Variants in LTBP1 observed in about 807,000 individuals in gnomAD.
The protein encoded by LTBP1 is latent transforming growth factor beta binding protein 1, also known as latent-transforming growth factor beta-binding protein 1.
In LTBP1, 129 loss-of-function variants were observed where a neutral mutation model predicts 207.6. The observed-to-expected ratio is 0.62, with a 90% CI of 0.54 to 0.72. The LOEUF is 0.72. Ranked by LOEUF, LTBP1 falls within the 30% of genes least tolerant of loss-of-function variation. The probability of loss-of-function intolerance (pLI) is 0.00; values close to 1 mark genes in which losing one functional copy is unlikely to be tolerated. For missense variants in LTBP1, 2,281 were observed against 2,217.2 expected (o/e 1.03, Z -0.58); for synonymous variants, 963 against 833.7 (o/e 1.16, Z -2.67).
At chr2:33,098,477 A>T (rs1204843895) in intron 3 of LTBP1, among the ~76,000 whole-genome samples, 1 of 152,158 alleles carries the variant, frequency 6.6e-6, no homozygotes, top group Non-Finnish European at 1.5e-5. Flanking sequence ...TCTGTTGCCC[A>T]GGCTAAGTGC....
chr2:33,123,043 C>A (rs958091250), intron 4 of LTBP1, among the ~76,000 whole-genome samples: 1 of 152,032 alleles, frequency 6.6e-6, no homozygotes, highest in Non-Finnish European at 1.5e-5. Flanking sequence ...CTCAACTTTT[C>A]CTCACTCTCT....
Position 33,010,721 on chromosome 2 carries a change from CT to C in LTBP1, c.566-10171del, listed in dbSNP as rs1256189915. Among the ~76,000 whole-genome samples, 711 of 134,766 alleles carry C rather than the reference CT, an allele frequency of 5.3e-3. 1 individual carries two copies. The highest frequency in any genetic ancestry group is 0.012 in the African/African-American group (429 of 36,304). The allele number at this position is 134,766 out of a possible 152,430, so 88.4% of individuals were successfully genotyped here. ...TGTATCACATTCTAGGATTTTAATC[CT>C]TTTTTTTTTTTTTTTTGAGATGGAG... is the stretch of plus-strand genomic sequence containing the variant. On this transcript the variant is annotated intron_variant, in intron 2 of 33. Coordinates refer to ENST00000404816, the MANE Select transcript of LTBP1 (RefSeq NM_206943.4).
chr2:33,206,003 T>C (rs1189430099), intron 7 of LTBP1, among the ~76,000 whole-genome samples: 1 of 151,732 alleles, frequency 6.6e-6, no homozygotes, highest in Non-Finnish European at 1.5e-5. Context: ...TCCAGAACTG[T>C]GAGGAAATAA....
chr2:32,967,450 T>G (rs2148520083), intron 2 of LTBP1, among the ~76,000 whole-genome samples: 1 of 152,314 alleles, frequency 6.6e-6, no homozygotes, highest in African/African-American at 2.4e-5. Flanking sequence ...AATATATGCA[T>G]TCATTGTTAT....
rs773870364 is a variant in LTBP1 at position 33,021,104 on chromosome 2, C to G, written c.761C>G (p.Ser254Cys). The change falls in exon 3 of 34, where the codon TCT becomes TGT. Residue 254 changes from serine to cysteine, a missense_variant. By Grantham distance (112) the Ser-to-Cys change is moderately radical (BLOSUM62 -1). Coordinates refer to ENST00000404816, the MANE Select transcript of LTBP1 (RefSeq NM_206943.4). ...GAGCAAGCAGCAAAGCATACTTCAT[C>G]TAAGAAGGCAGACACTCTACCAAGA... ...PPEQAAKHTS[S>C]KKADTLPRVS... 3 of 1,614,014 alleles carry G rather than the reference C, an allele frequency of 1.9e-6. No individual in the cohort carries two copies. The highest frequency in any genetic ancestry group is 1.1e-5 in the South Asian group (1 of 91,068).
chr2:33,064,898 C>CTT (rs978523256), intron 3 of LTBP1, among the ~76,000 whole-genome samples: 1 of 152,140 alleles, frequency 6.6e-6, no homozygotes, highest in African/African-American at 2.4e-5. Context: ...TGCTTCTCCC[C>CTT]TTTTGCTATA....
chr2:32,977,554 G>A (rs768798964), intron 2 of LTBP1, among the ~76,000 whole-genome samples: 1 of 152,212 alleles, frequency 6.6e-6, no homozygotes, highest in African/African-American at 2.4e-5. Context: ...GGCTTGTATA[G>A]GTGTCCTTGG....
chr2:33,112,334 G>T (rs2080459585), intron 4 of LTBP1, among the ~76,000 whole-genome samples: 1 of 152,160 alleles, frequency 6.6e-6, no homozygotes, highest in East Asian at 1.9e-4. Flanking sequence ...CTCAAATCTT[G>T]GTTGAACTGT....
intron 5 of LTBP1, among the ~76,000 whole-genome samples, chr2:33,183,995 C>G (rs1379242551): frequency 6.6e-6 from 1 of 152,170 alleles, no homozygotes; most frequent in Non-Finnish European, 1.5e-5. Flanking sequence ...ACTTTCTCCC[C>G]TCTTCCTTGG....
intron 10 of LTBP1, among the ~76,000 whole-genome samples, chr2:33,244,642 A>T (rs945523821): frequency 1.3e-5 from 2 of 152,190 alleles, no homozygotes; most frequent in African/African-American, 2.4e-5. Flanking sequence ...TAAGCACTGT[A>T]AGATTTTTTT....
chr2:33,082,860 C>T (rs1011415040), intron 3 of LTBP1, among the ~76,000 whole-genome samples: 7 of 152,046 alleles, frequency 4.6e-5, no homozygotes, highest in Non-Finnish European at 7.4e-5. Context: ...TTGCCTTTGC[C>T]GGTCACTGGG....
intron 24 of LTBP1, among the ~76,000 whole-genome samples, chr2:33,322,412 G>T (rs1473209045): frequency 6.6e-6 from 1 of 152,140 alleles, no homozygotes; most frequent in Non-Finnish European, 1.5e-5. Context: ...TTTTGTACTT[G>T]AGACCTAAAC....
intron 3 of LTBP1, among the ~76,000 whole-genome samples, chr2:33,052,842 G>A (rs1004531895): frequency 6.7e-6 from 1 of 150,296 alleles, no homozygotes; most frequent in African/African-American, 2.4e-5. Flanking sequence ...GCTCTTTCAG[G>A]TTGACTCCCG....
chr2:33,131,649 G>C (rs1451247209), intron 4 of LTBP1, among the ~76,000 whole-genome samples: 1 of 152,190 alleles, frequency 6.6e-6, no homozygotes, highest in African/African-American at 2.4e-5. Flanking sequence ...GACCCGCTTA[G>C]AATACAAGTG....
In LTBP1 at chr2:33,134,462, C is replaced by T. The variant is rs1165426224; in HGVS notation, c.1034-331C>T. The stretch of plus-strand genomic sequence containing the variant: ...TTGGCTCTTTAATCTGTCGTGCCCT[C>T]GGTATTGCTCTTTGTCTGCCCGTGA... On this transcript the variant is annotated intron_variant, in intron 4 of 33. Transcript: ENST00000404816. The surrounding 1 kb of genome is among the most constrained non-coding windows in gnomAD (Gnocchi z 4.4). The T allele has an allele frequency of 9.1e-6, 9 of 986,470 alleles. No homozygotes were observed. Among genetic ancestry groups the T allele is most frequent in the Admixed American group, 2.2e-5 (1 of 45,756 alleles). The allele number at this position is 986,470 out of a possible 1,614,324, so 61.1% of individuals were successfully genotyped here. A position where few individuals can be genotyped will look rare whatever the true frequency, so the allele number is the denominator to read the frequency against.
intron 9 of LTBP1, among the ~76,000 whole-genome samples, chr2:33,237,787 A>G (rs941024425): frequency 6.6e-6 from 1 of 152,232 alleles, no homozygotes; most frequent in African/African-American, 2.4e-5. Context: ...AGAAAGGCCT[A>G]GAAAGATTCT....
At chr2:33,320,487 T>G (rs376046937) in intron 24 of LTBP1, among the ~76,000 whole-genome samples, 20 of 149,078 alleles carry the variant, frequency 1.3e-4, no homozygotes, top group Middle Eastern at 3.6e-3. Context: ...CTAACTGGGG[T>G]GGTCAGAATC....
intron 7 of LTBP1, among the ~76,000 whole-genome samples, chr2:33,189,384 T>C (rs959735248): frequency 6.6e-6 from 1 of 152,082 alleles, no homozygotes; most frequent in African/African-American, 2.4e-5. Context: ...TTAGTAGAGA[T>C]GGGGTTTCAC....
At chr2:33,366,664 C>A (rs917507305) in intron 31 of LTBP1, among the ~76,000 whole-genome samples, 24 of 152,224 alleles carry the variant, frequency 1.6e-4, no homozygotes, top group African/African-American at 5.5e-4. Flanking sequence ...AAAATAACTT[C>A]ACCCTGTACA....
Sources: gnomAD v4.1 joint callset for allele counts (sites outside exome capture counted in the v4.1 genomes callset) on GRCh38, gnomAD v4.1.1 for gene constraint, Gnocchi (gnomAD v3.1) non-coding constraint, MANE v1.5 for transcripts, NCBI Gene and HGNC (gene_info 2026-07-23, HGNC 2026-07-21) for gene names.